Variants in ANK3 observed in about 807,000 individuals in gnomAD.
The protein encoded by ANK3 is ankyrin 3, also known as ankyrin-3.
Under a neutral mutation model 370.9 loss-of-function variants are expected in ANK3, and 57 were observed. That is an observed-to-expected ratio of 0.15 (90% CI 0.12 to 0.19). The LOEUF is 0.19. Among genes scored for constraint, ANK3 ranks in the 10% least tolerant of loss-of-function variants. The probability of loss-of-function intolerance (pLI) is 1.00; values close to 1 mark genes in which losing one functional copy is unlikely to be tolerated. For missense variants in ANK3, 4,439 were observed against 5,302.1 expected, an observed-to-expected ratio of 0.84 and a Z score of 5.06; for synonymous variants, 1,929 against 1,946.3, an observed-to-expected ratio of 0.99 and a Z score of 0.23.
chr10:60,615,704 A>C (rs941676560), intron 1 of ANK3, among the ~76,000 whole-genome samples: 31 of 152,202 alleles, frequency 2.0e-4, no homozygotes, highest in African/African-American at 7.0e-4. Context: ...ATTACTGTAA[A>C]TATTGTTTAC....
chr10:60,050,948 A>G (rs73255269), intron 42 of ANK3, among the ~76,000 whole-genome samples: 2 of 151,228 alleles, frequency 1.3e-5, no homozygotes, highest in East Asian at 3.9e-4. Context: ...ATTGTGTCAC[A>G]TATATCCATG....
chr10:60,242,404 A>G (rs1018696756), intron 7 of ANK3, among the ~76,000 whole-genome samples: 2 of 152,218 alleles, frequency 1.3e-5, no homozygotes, highest in African/African-American at 4.8e-5. Context: ...AACTCCAAAA[A>G]TAAAGATGAC....
chr10:60,365,217 T>A (rs574774339), intron 1 of ANK3, among the ~76,000 whole-genome samples: 52 of 151,918 alleles, frequency 3.4e-4, no homozygotes, highest in African/African-American at 1.2e-3. Flanking sequence ...TACAGAGATA[T>A]CATTCAATGT....
intron 2 of ANK3, among the ~76,000 whole-genome samples, chr10:60,457,183 A>T (rs1212160980): frequency 6.6e-6 from 1 of 152,150 alleles, no homozygotes; most frequent in Non-Finnish European, 1.5e-5. Flanking sequence ...CACCCTCTCC[A>T]TAGAAAGAAG....
rs557700964 is a variant in ANK3, at chr10:60,043,500, T to A, written c.13066-741A>T. The A allele has an allele frequency of 1.5e-5, 15 of 985,178 alleles. No homozygotes were observed. In the African/African-American group the frequency reaches 2.4e-4, roughly 16 times the overall value. The allele number at this position is 985,178 out of a possible 1,614,324, so 61.0% of individuals were successfully genotyped here. On this transcript the variant is annotated intron_variant, in intron 42 of 43. Coordinates refer to ENST00000280772, the MANE Select transcript of ANK3 (RefSeq NM_020987.5). ...AGATGTTTTCTCTGAGAGAAAGGGG[T>A]TGACTGGAGGGATTCTTTAACTGGC... is the stretch of plus-strand genomic sequence containing the variant.
At chr10:60,043,021 G>T in intron 42 of ANK3, 1 of 1,242,082 alleles carries the variant, frequency 8.1e-7, no homozygotes, top group Non-Finnish European at 1.0e-6. Flanking sequence ...TCAAAATAAC[G>T]AGCAGCCTAT....
intron 1 of ANK3, among the ~76,000 whole-genome samples, chr10:60,320,841 C>T (rs1385208248): frequency 6.6e-6 from 1 of 152,090 alleles, no homozygotes; most frequent in Non-Finnish European, 1.5e-5. Flanking sequence ...CCTCCCTTCT[C>T]CACCACCCCA....
At chr10:60,572,739 T>C (rs2077629200) in intron 2 of ANK3, 1 of 1,365,058 alleles carries the variant, frequency 7.3e-7, no homozygotes, top group South Asian at 2.0e-5. Context: ...AGGAAGAAAC[T>C]GGGTGTTCTC....
At chr10:60,475,916 C>T (rs977803468) in intron 2 of ANK3, among the ~76,000 whole-genome samples, 3 of 152,070 alleles carry the variant, frequency 2.0e-5, no homozygotes, top group Non-Finnish European at 4.4e-5. Context: ...CCTAAAGCAG[C>T]GCTTTAAAAG....
chr10:60,073,688 G>A lies in ANK3; in HGVS notation c.7193C>T (p.Thr2398Ile). The change falls in exon 37 of 44, where the codon ACT becomes ATT. Residue 2398 changes from threonine to isoleucine, a missense_variant. By Grantham distance (89) the Thr-to-Ile change is moderately conservative (BLOSUM62 -1). Coordinates refer to ENST00000280772, the MANE Select transcript of ANK3 (RefSeq NM_020987.5). ...EQGQQEEEEL[T>I]AEESLPSYLE... is the part of the protein sequence containing the mutation. ...ATAAGAAGGCAATGACTCTTCAGCA[G>A]TAAGTTCTTCTTCTTCTTGCTGACC... is the stretch of plus-strand genomic sequence containing the variant. 6.2e-7 allele frequency: 1 copy of A among 1,614,094 alleles called. No individual in the cohort carries two copies. The highest frequency in any genetic ancestry group is 1.1e-5 in the South Asian group (1 of 91,084).
chr10:60,205,840 T>C lies in ANK3; in HGVS notation c.1245A>G (p.Val415=), dbSNP rs768902000. Residue 415 remains valine (V), a synonymous_variant, in exon 11 of 44, where the codon GTA becomes GTG. Coordinates refer to ENST00000280772, the MANE Select transcript of ANK3 (RefSeq NM_020987.5). ...HIACKKNRIK[V]MELLLKHGAS... is the part of the protein sequence containing the mutation. ...CACCGTGTTTCAGAAGGAGTTCCAT[T>C]ACTTTAATTCGATTCTTCTTGCAGG... is the stretch of plus-strand genomic sequence containing the variant. The C allele has an allele frequency of 1.8e-5, 29 of 1,613,966 alleles. No homozygotes were observed. The Admixed American group carries it at 3.7e-4, about 20-fold the overall frequency.
At chr10:60,265,479 AT>A (rs778302256) in intron 5 of ANK3, among the ~76,000 whole-genome samples, 66 of 152,294 alleles carry the variant, frequency 4.3e-4, no homozygotes, top group Middle Eastern at 3.4e-3. Flanking sequence ...GAGTTGTTGA[AT>A]GTAGAAAAAA....
At chr10:60,476,638 G>A (rs1028639141) in intron 2 of ANK3, among the ~76,000 whole-genome samples, 1 of 152,124 alleles carries the variant, frequency 6.6e-6, no homozygotes, top group Non-Finnish European at 1.5e-5. Flanking sequence ...TTACTCTAGT[G>A]GTGAGAATAC....
At position 60,564,670 on chromosome 10, in the gene ANK3, A is replaced by C. The variant is rs1275069163; in HGVS notation, c.96+50516T>G. 2.6e-5 allele frequency among the ~76,000 whole-genome samples: 4 copies of C among 152,336 alleles called. No individual in the cohort carries two copies. In the South Asian group the frequency reaches 6.2e-4, roughly 24 times the overall value. Reference sequence around the variant, plus strand: ...TTAAAAAATGAATGTATGTTTGGATAATGTGAGATTCATCAGAGAGGAAAC... The same window carrying C: ...TTAAAAAATGAATGTATGTTTGGATCATGTGAGATTCATCAGAGAGGAAAC... On this transcript the variant is annotated intron_variant, in intron 2 of 43. Transcript: ENST00000373827.
At chr10:60,331,952 A>G (rs1225740803) in intron 1 of ANK3, among the ~76,000 whole-genome samples, 1 of 150,426 alleles carries the variant, frequency 6.6e-6, no homozygotes, top group Non-Finnish European at 1.5e-5. Context: ...TAATTAGGTA[A>G]CATCTTTTTT....
In ANK3 at chr10:60,617,925, T is replaced by C. The variant is rs992363982; in HGVS notation, c.58-2701A>G. ...AAAGTAATAGTAAACACAGATATTCTAGTCTTTTAACTGATTAAAAGAGCA... is the reference window on the plus strand; with the variant it reads ...AAAGTAATAGTAAACACAGATATTCCAGTCTTTTAACTGATTAAAAGAGCA... On this transcript the variant is annotated intron_variant, in intron 1 of 43. Coordinates refer to the ANK3 transcript ENST00000373827. 1.7e-4 allele frequency among the ~76,000 whole-genome samples: 26 copies of C among 152,214 alleles called. 1 individual carries two copies.
In ANK3 at chr10:60,437,904, C is replaced by A. The variant is rs532811947; in HGVS notation, c.97-158265G>T. The stretch of plus-strand genomic sequence containing the variant: ...CCAGAATGTAGGTATTTCTATTTAA[C>A]CACACCATCATGAGTTGGCTCAGAG... On this transcript the variant is annotated intron_variant, in intron 2 of 43. Coordinates refer to the ANK3 transcript ENST00000373827. Among the ~76,000 whole-genome samples, 4 of 152,294 alleles carry A rather than the reference C, an allele frequency of 2.6e-5. No homozygotes were observed. The East Asian group carries it at 7.7e-4, about 29-fold the overall frequency.
intron 2 of ANK3, among the ~76,000 whole-genome samples, chr10:60,406,441 G>C (rs1594965842): frequency 1.3e-5 from 2 of 152,178 alleles, no homozygotes; most frequent in African/African-American, 2.4e-5. Context: ...TTTCACCTCA[G>C]GTCATCAGGC....
chr10:60,676,646 T>C (rs2079129607), intron 1 of ANK3, among the ~76,000 whole-genome samples: 1 of 152,202 alleles, frequency 6.6e-6, no homozygotes, highest in South Asian at 2.1e-4. Context: ...CAATGTCGTG[T>C]TGAAAAGCAT....
Sources: allele counts gnomAD v4.1 joint callset (sites outside exome capture counted in the v4.1 genomes callset), GRCh38; gene constraint gnomAD v4.1.1; transcripts MANE v1.5; gene names NCBI Gene and HGNC (gene_info 2026-07-23, HGNC 2026-07-21).